The following TAAR5 variants were observed in gnomAD, a reference collection of about 807,000 sequenced individuals.
TAAR5 encodes the protein trace amine-associated receptor 5.
TAAR5 carries 27 observed loss-of-function variants against 21.1 expected under a neutral mutation model. The observed-to-expected ratio is 1.28, with a 90% CI of 0.94 to 1.76. The LOEUF (loss-of-function observed/expected upper bound fraction) is 1.76. Among genes scored for constraint, TAAR5 ranks in the 40% most tolerant of loss-of-function variants. The pLI is 0.00. For missense variants in TAAR5, 495 were observed against 405.6 expected (o/e 1.22, Z -1.89); for synonymous variants, 203 against 167.5 (o/e 1.21, Z -1.64).
upstream of TAAR5, among the ~76,000 whole-genome samples, chr6:132,590,500 A>G (rs1455595955): frequency 6.6e-6 from 1 of 152,234 alleles, no homozygotes; most frequent in Non-Finnish European, 1.5e-5. Flanking sequence ...TTACACAGGT[A>G]GGAATCAGAA....
upstream of TAAR5, among the ~76,000 whole-genome samples, chr6:132,590,416 A>G (rs576314713): frequency 6.6e-6 from 1 of 152,350 alleles, no homozygotes; most frequent in African/African-American, 2.4e-5. Context: ...GATTTTATCT[A>G]TTTAACATCT....
chr6:132,609,164 A>G, the TAAR5 span: 2 of 378,582 alleles, frequency 5.3e-6, no homozygotes, highest in East Asian at 7.2e-5. Context: ...GGCTCCAGTC[A>G]TAACCGAATA....
At chr6:132,598,082 C>T in the TAAR5 span, among the ~76,000 whole-genome samples, 2 of 152,106 alleles carry the variant, frequency 1.3e-5, no homozygotes, top group South Asian at 2.1e-4. Flanking sequence ...CGTATCATAC[C>T]TGCTTTATCA....
At chr6:132,615,512 C>A in the TAAR5 span, among the ~76,000 whole-genome samples, 2,002 of 151,360 alleles carry the variant, frequency 0.013, 48 homozygotes, top group African/African-American at 0.046. Context: ...AAACAAAGAA[C>A]ACAGAATCCA....
At chr6:132,615,002 T>A in the TAAR5 span, among the ~76,000 whole-genome samples, 2 of 152,148 alleles carry the variant, frequency 1.3e-5, no homozygotes, top group Non-Finnish European at 2.9e-5. Flanking sequence ...TAGCTGGGAC[T>A]ACAGGCACAC....
chr6:132,600,034 T>C, the TAAR5 span, among the ~76,000 whole-genome samples: 1 of 152,188 alleles, frequency 6.6e-6, no homozygotes, highest in Non-Finnish European at 1.5e-5. Flanking sequence ...ATAGTAACTG[T>C]AGGAGGCATC....
rs772668061 is a variant in TAAR5, at chr6:132,589,389, A to G, written c.298T>C (p.Trp100Arg). 5.0e-6 allele frequency: 8 copies of G among 1,614,114 alleles called. No individual in the cohort carries two copies. The highest frequency in any genetic ancestry group is 6.8e-6 in the Non-Finnish European group (8 of 1,179,988). ...LSTIRSVESCWFFGDFLCRLH... is the reference protein window; with the variant it reads ...LSTIRSVESCRFFGDFLCRLH... ...CGGCAGAGGAAGTCCCCGAAGAACC[A>G]GCAGCTCTCCACTGAGCGAATGGTG... Residue 100 changes from tryptophan (W) to arginine (R), a missense_variant, in exon 1 of 1, where the codon TGG becomes CGG. Coordinates refer to ENST00000258034, the MANE Select transcript of TAAR5 (RefSeq NM_003967.3).
At chr6:132,613,884 T>G in the TAAR5 span, among the ~76,000 whole-genome samples, 1 of 152,212 alleles carries the variant, frequency 6.6e-6, no homozygotes, top group Non-Finnish European at 1.5e-5. Flanking sequence ...CCATAAAATA[T>G]GTTCTCCTCT....
the TAAR5 span, chr6:132,608,483 G>C: frequency 2.2e-6 from 1 of 455,004 alleles, no homozygotes; most frequent in African/African-American, 2.0e-5. Context: ...CAGCAAGCCA[G>C]AAACACCCCC....
upstream of TAAR5, chr6:132,594,627 CA>C (rs1776951849): frequency 6.6e-6 from 1 of 152,200 alleles, no homozygotes; most frequent in Non-Finnish European, 1.5e-5. Flanking sequence ...CAGCACAACA[CA>C]AACACTCCCA....
chr6:132,594,401 G>T (rs1334648170), upstream of TAAR5: 1 of 152,106 alleles, frequency 6.6e-6, no homozygotes, highest in Non-Finnish European at 1.5e-5. Context: ...CTAAGCATGG[G>T]CAGAAAACAG....
At chr6:132,593,711 G>A (rs1432592165), upstream of TAAR5, among the ~76,000 whole-genome samples, 1 of 152,174 alleles carries the variant, frequency 6.6e-6, no homozygotes, top group Non-Finnish European at 1.5e-5. Flanking sequence ...CACACAGGCT[G>A]CATACATACA....
At chr6:132,607,917 T>G in the TAAR5 span, among the ~76,000 whole-genome samples, 1 of 152,208 alleles carries the variant, frequency 6.6e-6, no homozygotes, top group African/African-American at 2.4e-5. Context: ...TAAAAAATTC[T>G]TATATTGCTT....
At chr6:132,601,296 A>T in the TAAR5 span, among the ~76,000 whole-genome samples, 2 of 152,244 alleles carry the variant, frequency 1.3e-5, no homozygotes, top group Non-Finnish European at 2.9e-5. Flanking sequence ...CAAAATTCAA[A>T]TGATTCAAAT....
Position 132,589,455 on chromosome 6 carries a change from G to A in TAAR5, c.232C>T (p.Leu78=). 6.2e-7 allele frequency: 1 copy of A among 1,613,920 alleles called. No homozygotes were observed. Among genetic ancestry groups the A allele is most frequent in the South Asian group, 1.1e-5 (1 of 91,060 alleles). ...AGCAGACCCAGAAACATGTCAGCCA[G>A]GGCCAGGGAGAGCAGCAGGAAGTTG... ...PTNFLLLSLA[L]ADMFLGLLVL... Residue 78 remains leucine, a synonymous_variant, in exon 1 of 1, where the codon CTG becomes TTG. Coordinates refer to ENST00000258034, the MANE Select transcript of TAAR5 (RefSeq NM_003967.3).
At chr6:132,612,423 A>C in the TAAR5 span, among the ~76,000 whole-genome samples, 1 of 152,178 alleles carries the variant, frequency 6.6e-6, no homozygotes, top group East Asian at 1.9e-4. Context: ...CACTTCATGA[A>C]AATTTCTTCT....
At chr6:132,614,388 C>G in the TAAR5 span, among the ~76,000 whole-genome samples, 1 of 152,162 alleles carries the variant, frequency 6.6e-6, no homozygotes, top group Non-Finnish European at 1.5e-5. Context: ...AATTTAAGAC[C>G]TTTTACCAGA....
the TAAR5 span, among the ~76,000 whole-genome samples, chr6:132,611,453 CA>C: frequency 6.6e-6 from 1 of 151,312 alleles, no homozygotes; most frequent in Non-Finnish European, 1.5e-5. Context: ...ATTCCTAATG[CA>C]AAAAAATAAT....
chr6:132,599,102 G>T, the TAAR5 span, among the ~76,000 whole-genome samples: 2 of 151,976 alleles, frequency 1.3e-5, no homozygotes, highest in Non-Finnish European at 2.9e-5. Context: ...CAAGCTAAAC[G>T]CAAAAAGAAC....
Sources: allele counts gnomAD v4.1 joint callset (sites outside exome capture counted in the v4.1 genomes callset), GRCh38; gene constraint gnomAD v4.1.1; transcripts MANE v1.5; gene names NCBI Gene and HGNC (gene_info 2026-07-23, HGNC 2026-07-21).